GMPR: variants seen among roughly 807,000 people sequenced by gnomAD.
GMPR encodes the protein GMP reductase 1.
A neutral mutation model predicts 38.4 loss-of-function variants in GMPR; 31 were observed. That is an observed-to-expected ratio of 0.81 (90% CI 0.61 to 1.09). The LOEUF (loss-of-function observed/expected upper bound fraction) is 1.09. Among genes scored for constraint, GMPR ranks in the 50% least tolerant of loss-of-function variants. GMPR has a pLI of 0.00. For missense variants in GMPR, 468 were observed against 453.7 expected, an observed-to-expected ratio of 1.03 and a Z score of -0.29; for synonymous variants, 162 against 173.3, an observed-to-expected ratio of 0.93 and a Z score of 0.51.
At chr6:16,289,053 C>CG (rs1759762731) in intron 7 of GMPR, among the ~76,000 whole-genome samples, 1 of 152,166 alleles carries the variant, frequency 6.6e-6, no homozygotes, top group African/African-American at 2.4e-5. Context: ...CCTTCTGGCT[C>CG]CTTTTCTTTG....
chr6:16,282,944 G>A (rs965948845), intron 6 of GMPR, among the ~76,000 whole-genome samples: 4 of 151,988 alleles, frequency 2.6e-5, no homozygotes, highest in African/African-American at 9.7e-5. Context: ...GAGTAGCTGG[G>A]ATTATAGGCA....
At chr6:16,290,106 A>ACTGTGCCTGGCAGAATACTCCGCC (rs1759808087) in intron 7 of GMPR, 1 of 188,904 alleles carries the variant, frequency 5.3e-6, no homozygotes, top group African/African-American at 2.3e-5. Context: ...GGGCTGAGCC[A>ACTGTGCCTGGCAGAATACTCCGCC]CTGTGCCTGG....
intron 2 of GMPR, 77 bp downstream of exon 2, chr6:16,247,038 A>C: frequency 7.3e-7 from 1 of 1,364,972 alleles, no homozygotes; most frequent in Non-Finnish European, 1.0e-6. Context: ...CCCTGGCTTT[A>C]TTCAGACACA....
chr6:16,273,632 A>G (rs572083946), intron 4 of GMPR, among the ~76,000 whole-genome samples: 14 of 152,272 alleles, frequency 9.2e-5, no homozygotes, highest in Admixed American at 2.6e-4. Context: ...TCCCAGCCCT[A>G]GAGAGTGGGG....
At chr6:16,293,788 A>G (rs1027787191) in intron 8 of GMPR, among the ~76,000 whole-genome samples, 2 of 152,184 alleles carry the variant, frequency 1.3e-5, no homozygotes, top group African/African-American at 4.8e-5. Flanking sequence ...ACAAAGGCAA[A>G]ACTCCATCTC....
intron 4 of GMPR, among the ~76,000 whole-genome samples, chr6:16,269,810 T>C (rs1759346311): frequency 6.6e-6 from 1 of 152,128 alleles, no homozygotes; most frequent in Non-Finnish European, 1.5e-5. Flanking sequence ...AATAAATAAA[T>C]AAATAATACA....
At chr6:16,240,882 G>T (rs1758635963) in intron 1 of GMPR, among the ~76,000 whole-genome samples, 1 of 152,102 alleles carries the variant, frequency 6.6e-6, no homozygotes, top group African/African-American at 2.4e-5. Context: ...AGGTTAACCA[G>T]CATTGCCTTT....
chr6:16,266,225 C>T (rs115536260), intron 4 of GMPR, among the ~76,000 whole-genome samples: 416 of 151,042 alleles, frequency 2.8e-3, no homozygotes, highest in Non-Finnish European at 4.5e-3. Flanking sequence ...GAATGAAGAA[C>T]GCCGCGCGCA....
At chr6:16,270,152 C>G (rs1364307566) in intron 4 of GMPR, among the ~76,000 whole-genome samples, 2 of 152,356 alleles carry the variant, frequency 1.3e-5, no homozygotes, top group East Asian at 3.9e-4. Context: ...TACTTGAAGT[C>G]TTGGCTTGGC....
chr6:16,246,270 C>T (rs1001479806), intron 1 of GMPR, among the ~76,000 whole-genome samples: 2 of 152,168 alleles, frequency 1.3e-5, no homozygotes, highest in South Asian at 2.1e-4. Context: ...CCTGACCTCC[C>T]CACCCAGCTG....
chr6:16,289,187 C>T (rs571630493), intron 7 of GMPR, among the ~76,000 whole-genome samples: 29 of 152,252 alleles, frequency 1.9e-4, no homozygotes, highest in African/African-American at 4.8e-4. Flanking sequence ...TTTGAGCTAG[C>T]GCAGACCCCA....
chr6:16,266,269 G>A (rs1759219106), intron 4 of GMPR, among the ~76,000 whole-genome samples: 2 of 151,770 alleles, frequency 1.3e-5, no homozygotes, highest in Admixed American at 1.3e-4. Flanking sequence ...CACTGCGAAG[G>A]TCTGAGGCTT....
chr6:16,243,959 G>C (rs1758707239), intron 1 of GMPR, among the ~76,000 whole-genome samples: 1 of 152,200 alleles, frequency 6.6e-6, no homozygotes, highest in Non-Finnish European at 1.5e-5. Flanking sequence ...ACACAGCTTT[G>C]TGTGCTGACT....
At chr6:16,259,694 T>C (rs1759044637) in intron 4 of GMPR, among the ~76,000 whole-genome samples, 1 of 152,002 alleles carries the variant, frequency 6.6e-6, no homozygotes, top group African/African-American at 2.4e-5. Flanking sequence ...GGTTTTTGTA[T>C]GAATTGAAAA....
At chr6:16,284,314 C>T (rs1476526446) in intron 6 of GMPR, among the ~76,000 whole-genome samples, 1 of 152,140 alleles carries the variant, frequency 6.6e-6, no homozygotes, top group African/African-American at 2.4e-5. Flanking sequence ...TCACAGAGAC[C>T]CTATGTTCTC....
intron 4 of GMPR, among the ~76,000 whole-genome samples, chr6:16,266,031 G>T (rs555934858): frequency 5.9e-5 from 9 of 152,134 alleles, no homozygotes; most frequent in African/African-American, 1.9e-4. Context: ...CTTCACTGCT[G>T]AAGTCAGTGA....
intron 4 of GMPR, among the ~76,000 whole-genome samples, chr6:16,258,571 C>CGCTG (rs1759023657): frequency 6.6e-6 from 1 of 152,234 alleles, no homozygotes; most frequent in East Asian, 1.9e-4. Context: ...CTCCAGCACC[C>CGCTG]GCTGGCTGGC....
intron 4 of GMPR, 117 bp from the exon 5 acceptor site, chr6:16,274,298 C>T: frequency 1.5e-6 from 1 of 688,422 alleles, no homozygotes; most frequent in Admixed American, 2.5e-5. Context: ...CCTTTTTTGT[C>T]CCCCAGCTGC....
intron 5 of GMPR, among the ~76,000 whole-genome samples, chr6:16,277,598 T>C (rs370305769): frequency 2.0e-5 from 3 of 152,338 alleles, no homozygotes; most frequent in East Asian, 1.9e-4. Flanking sequence ...AGTGCCTTAT[T>C]GTATATGAGG....
Sources: gnomAD v4.1 joint callset for allele counts (sites outside exome capture counted in the v4.1 genomes callset) on GRCh38, gnomAD v4.1.1 for gene constraint, MANE v1.5 for transcripts, NCBI Gene and HGNC (gene_info 2026-07-23, HGNC 2026-07-21) for gene names.